The following ACBD6 variants were observed in gnomAD, a reference collection of about 807,000 sequenced individuals.
The protein encoded by ACBD6 is acyl-CoA binding domain containing 6.
A neutral mutation model predicts 37.2 loss-of-function variants in ACBD6; 28 were observed. The ratio of observed to expected loss-of-function variants is 0.75; its 90% confidence interval spans 0.56 to 1.03. The LOEUF (loss-of-function observed/expected upper bound fraction) is 1.03, where lower values mean the gene tolerates loss of function less well. Ranked by LOEUF, ACBD6 falls within the 50% of genes least tolerant of loss-of-function variation. ACBD6 has a pLI of 0.00. For missense variants in ACBD6, 340 were observed against 337.4 expected, an observed-to-expected ratio of 1.01 and a Z score of -0.06; for synonymous variants, 113 against 126.8, an observed-to-expected ratio of 0.89 and a Z score of 0.73.
chr1:180,501,630 A>C (rs1651979673), intron 1 of ACBD6, among the ~76,000 whole-genome samples: 1 of 152,170 alleles, frequency 6.6e-6, no homozygotes, highest in Non-Finnish European at 1.5e-5. Context: ...GCATCACATT[A>C]TTACAATCCT....
intron 5 of ACBD6, among the ~76,000 whole-genome samples, chr1:180,411,536 G>C (rs1483876402): frequency 6.6e-6 from 1 of 152,188 alleles, no homozygotes; most frequent in African/African-American, 2.4e-5. Flanking sequence ...ATTATGACTT[G>C]CTGAAGCCAA....
intron 3 of ACBD6, among the ~76,000 whole-genome samples, chr1:180,487,627 T>C (rs988629366): frequency 1.3e-5 from 2 of 152,144 alleles, no homozygotes; most frequent in Non-Finnish European, 2.9e-5. Context: ...TAATGGCAAT[T>C]CAGTGTGCCA....
At chr1:180,455,605 A>G (rs539569473) in intron 3 of ACBD6, among the ~76,000 whole-genome samples, 13 of 152,312 alleles carry the variant, frequency 8.5e-5, no homozygotes, top group African/African-American at 3.1e-4. Flanking sequence ...TTGAAAAGGT[A>G]GGTTTGATTT....
chr1:180,290,880 A>G (rs1290768764), intron 7 of ACBD6, among the ~76,000 whole-genome samples: 5 of 152,224 alleles, frequency 3.3e-5, no homozygotes, highest in African/African-American at 1.2e-4. Context: ...AATCGGTCAC[A>G]CTAAGAAGTC....
At chr1:180,307,345 T>C (rs1301205836) in intron 7 of ACBD6, among the ~76,000 whole-genome samples, 2 of 152,074 alleles carry the variant, frequency 1.3e-5, no homozygotes, top group African/African-American at 4.8e-5. Flanking sequence ...GAGGGATGGT[T>C]ACAAGAGGCT....
intron 7 of ACBD6, among the ~76,000 whole-genome samples, chr1:180,302,152 T>C (rs1411105012): frequency 6.6e-6 from 1 of 151,996 alleles, no homozygotes; most frequent in South Asian, 2.1e-4. Context: ...AACCTGCATG[T>C]TGTGCACATG....
At chr1:180,292,693 C>T (rs6695995) in intron 7 of ACBD6, among the ~76,000 whole-genome samples, 1,736 of 151,498 alleles carry the variant, frequency 0.011, 40 homozygotes, top group African/African-American at 0.039. Context: ...TTTATTTCTT[C>T]TTTTTAAATC....
At chr1:180,275,906 G>C (rs910371055) in intron 9 of ACBD6, 1 of 152,326 alleles carries the variant, frequency 6.6e-6, no homozygotes, top group African/African-American at 2.4e-5. Context: ...CCTGAGGCCA[G>C]AGCAAGGCCA....
chr1:180,304,805 A>C (rs1166814463), intron 7 of ACBD6, among the ~76,000 whole-genome samples: 1 of 151,402 alleles, frequency 6.6e-6, no homozygotes, highest in Non-Finnish European at 1.5e-5. Flanking sequence ...GTCAATCCTA[A>C]GCCAAAAGAA....
At chr1:180,410,809 G>T (rs886522799) in intron 5 of ACBD6, among the ~76,000 whole-genome samples, 1 of 152,160 alleles carries the variant, frequency 6.6e-6, no homozygotes, top group African/African-American at 2.4e-5. Context: ...ATGGATCAAG[G>T]AATAATTTTG....
chr1:180,378,749 C>A (rs1471785277), intron 6 of ACBD6, among the ~76,000 whole-genome samples: 1 of 152,124 alleles, frequency 6.6e-6, no homozygotes, highest in Non-Finnish European at 1.5e-5. Flanking sequence ...GTTGGGCCCA[C>A]CCAGCCCACC....
In ACBD6 at chr1:180,288,329, T is replaced by C. The variant is rs1226645296; in HGVS notation, c.*34A>G. On this transcript the variant is annotated 3_prime_UTR_variant, in exon 8 of 8. Transcript: ENST00000367595. Reference sequence around the variant, plus strand: ...GTTTTCTTTCATAATGGAAGCCTTATGCTATTACAGACTGCAGTTTTCCAG... The same window carrying C: ...GTTTTCTTTCATAATGGAAGCCTTACGCTATTACAGACTGCAGTTTTCCAG... 3 of 1,613,126 alleles carry C rather than the reference T, an allele frequency of 1.9e-6. No individual in the cohort carries two copies. The highest frequency in any genetic ancestry group is 2.2e-5 in the East Asian group (1 of 44,892).
At chr1:180,411,606 G>C (rs1425239047) in intron 5 of ACBD6, among the ~76,000 whole-genome samples, 1 of 152,150 alleles carries the variant, frequency 6.6e-6, no homozygotes, top group East Asian at 1.9e-4. Context: ...TATGTACTTT[G>C]TTAAAGACAT....
chr1:180,314,542 G>A lies in ACBD6; in HGVS notation c.694+150C>T, dbSNP rs969615795. ...TTACAGGTGTGAGCCCTCACGCCCG[G>A]CCTAATACATTTTTTTGAACAAAAA... is the stretch of plus-strand genomic sequence containing the variant. On this transcript the variant is annotated intron_variant, in intron 7 of 7. Coordinates refer to ENST00000367595, the MANE Select transcript of ACBD6 (RefSeq NM_032360.4). 4 of 629,720 alleles carry A rather than the reference G, an allele frequency of 6.4e-6. No individual in the cohort carries two copies. The African/African-American group carries it at 7.4e-5, about 12-fold the overall frequency. 39.0% of individuals were successfully genotyped at this position (629,720 alleles called of 1,614,324 possible).
chr1:180,270,901 G>GTATCATTAAAAA, exon 14 of ACBD6: 5 of 235,776 alleles, frequency 2.1e-5, no homozygotes, highest in South Asian at 5.6e-5. Flanking sequence ...TGAGCCCAGC[G>GTATCATTAAAAA]ACGCCAGGGC....
intron 6 of ACBD6, among the ~76,000 whole-genome samples, chr1:180,340,860 A>C (rs1352862801): frequency 2.0e-5 from 3 of 152,088 alleles, no homozygotes; most frequent in Admixed American, 6.6e-5. Flanking sequence ...CTCCTGTTTC[A>C]TCAGTTAAAC....
chr1:180,434,584 A>T (rs1337555744), intron 3 of ACBD6, among the ~76,000 whole-genome samples: 1 of 152,232 alleles, frequency 6.6e-6, no homozygotes, highest in African/African-American at 2.4e-5. Flanking sequence ...TAACTCAGAT[A>T]TTCCTTTCTA....
intron 6 of ACBD6, among the ~76,000 whole-genome samples, chr1:180,384,570 CACTATGGGGCA>C (rs140112270): frequency 0.13 from 19,840 of 152,012 alleles, 1,870 homozygotes; most frequent in East Asian, 0.36. Context: ...TTAGTACAGC[CACTATGGGGCA>C]ACAGTATGAA....
At chr1:180,286,076 A>G (rs1649489806), downstream of ACBD6, among the ~76,000 whole-genome samples, 1 of 152,176 alleles carries the variant, frequency 6.6e-6, no homozygotes, top group Non-Finnish European at 1.5e-5. Context: ...TACTGAAAAA[A>G]GGGAATGCCA....
Sources: gnomAD v4.1 joint callset for allele counts (sites outside exome capture counted in the v4.1 genomes callset) on GRCh38, gnomAD v4.1.1 for gene constraint, MANE v1.5 for transcripts, NCBI Gene and HGNC (gene_info 2026-07-23, HGNC 2026-07-21) for gene names.